Variants in NXN observed in about 807,000 individuals in gnomAD.
NXN encodes nucleoredoxin 1.
NXN carries 16 observed loss-of-function variants against 48.6 expected under a neutral mutation model. The observed-to-expected ratio is 0.33, with a 90% CI of 0.22 to 0.50. NXN has a LOEUF of 0.50. Ranked by LOEUF, NXN falls within the 20% of genes least tolerant of loss-of-function variation. NXN has a pLI of 0.98. For missense variants in NXN, 492 were observed against 605.5 expected (o/e 0.81, Z 1.97); for synonymous variants, 281 against 269.6 (o/e 1.04, Z -0.41).
intron 1 of NXN, among the ~76,000 whole-genome samples, chr17:883,132 C>A (rs541807067): frequency 1.3e-5 from 2 of 152,150 alleles, no homozygotes; most frequent in African/African-American, 2.4e-5. Context: ...TACACCTGGC[C>A]AACTTCCTAT....
At chr17:906,403 G>A (rs4968127) in intron 1 of NXN, among the ~76,000 whole-genome samples, 89,488 of 151,888 alleles carry the variant, frequency 0.59, 26,964 homozygotes, top group Admixed American at 0.71. Context: ...CCACCTGCCC[G>A]TTTCCTACTT....
chr17:951,174 TTAAAAAAAAA>T lies in NXN; in HGVS notation c.360+28135_360+28144del, dbSNP rs369464932. On this transcript the variant is annotated intron_variant, in intron 1 of 7. Transcript: ENST00000336868. The stretch of plus-strand genomic sequence containing the variant: ...CAACATGGTGAAACCCTGTCTCTAC[TTAAAAAAAAA>T]AAAAAAAAAAAAAAAAAAAGCTGGG... Among the ~76,000 whole-genome samples the T allele has an allele frequency of 4.0e-4, 27 of 67,530 alleles. 1 individual carries two copies. Among genetic ancestry groups the T allele is most frequent in the Admixed American group, 1.7e-3 (9 of 5,346 alleles). The allele number at this position is 67,530 out of a possible 152,430, so 44.3% of individuals were successfully genotyped here.
Position 978,774 on chromosome 17 carries a change from C to T in NXN, c.360+545G>A, listed in dbSNP as rs1324442365. 6.6e-6 allele frequency: 1 copy of T among 152,334 alleles called. No individual in the cohort carries two copies. Among genetic ancestry groups the T allele is most frequent in the Non-Finnish European group, 1.5e-5 (1 of 68,154 alleles). The allele number at this position is 152,334 out of a possible 1,614,324, so 9.4% of individuals were successfully genotyped here. A position where few individuals can be genotyped will look rare whatever the true frequency, so the allele number is the denominator to read the frequency against. ...CCCCGGGGAAGGGGCTCCGGGAAGG[C>T]AGGTTTCTCCCGGAAAGAAAGGAAA... is the stretch of plus-strand genomic sequence containing the variant. On this transcript the variant is annotated intron_variant, in intron 1 of 7. Transcript: ENST00000336868. This position sits in a 1 kb window ranked among gnomAD's most constrained non-coding sequence, Gnocchi z 4.1.
chr17:979,238 C>G, intron 1 of NXN, 81 bp downstream of exon 1: 1 of 853,972 alleles, frequency 1.2e-6, no homozygotes, highest in Non-Finnish European at 1.4e-6. Context: ...TGGCGGAGGG[C>G]AGGGGTAACG....
At chr17:846,030 C>T (rs182587074) in intron 1 of NXN, among the ~76,000 whole-genome samples, 1 of 151,782 alleles carries the variant, frequency 6.6e-6, no homozygotes, top group African/African-American at 2.4e-5. Flanking sequence ...TGCAGTGAGC[C>T]GAGATCACAC....
rs1005739608 is a variant in NXN, at chr17:920,101, T to C, written c.360+59218A>G. 2.6e-5 allele frequency among the ~76,000 whole-genome samples: 4 copies of C among 152,220 alleles called. No homozygotes were observed. The highest frequency in any genetic ancestry group is 7.2e-5 in the African/African-American group (3 of 41,542). Reference sequence around the variant, plus strand: ...TTTTGGTGGAGACAAGGTTTCGCCATGTTGCCCAGGCTGGTCTTGAACTCC... The same window carrying C: ...TTTTGGTGGAGACAAGGTTTCGCCACGTTGCCCAGGCTGGTCTTGAACTCC... On this transcript the variant is annotated intron_variant, in intron 1 of 7. Transcript: ENST00000336868. The surrounding 1 kb of genome is among the most constrained non-coding windows in gnomAD (Gnocchi z 4.6).
rs191107620 is a variant in NXN, at chr17:894,829, C to A, written c.361-68751G>T. On this transcript the variant is annotated intron_variant, in intron 1 of 7. Transcript: ENST00000336868. ...TAAAATACCCCCTTCCATCTGAAAA[C>A]ATAATTGAGATGTGACTGCCTCAAC... 5.6e-3 allele frequency among the ~76,000 whole-genome samples: 851 copies of A among 152,162 alleles called. 9 individuals carry two copies. Among genetic ancestry groups the A allele is most frequent in the African/African-American group, 0.02 (811 of 41,516 alleles).
chr17:868,074 G>A (rs1284945207), intron 1 of NXN, among the ~76,000 whole-genome samples: 2 of 152,090 alleles, frequency 1.3e-5, no homozygotes, highest in Middle Eastern at 3.2e-3. Flanking sequence ...GAGCCTGTAC[G>A]GCGTCCCATG....
At chr17:951,388 CT>C (rs1193109041) in intron 1 of NXN, among the ~76,000 whole-genome samples, 2 of 151,038 alleles carry the variant, frequency 1.3e-5, no homozygotes, top group Non-Finnish European at 3.0e-5. Context: ...CTCTTTAGAA[CT>C]TTCTAACACA....
intron 1 of NXN, among the ~76,000 whole-genome samples, chr17:904,961 C>T (rs982137302): frequency 6.6e-6 from 1 of 152,080 alleles, no homozygotes; most frequent in Non-Finnish European, 1.5e-5. Flanking sequence ...GTCTGTTTCC[C>T]GTCTTCTGCT....
intron 5 of NXN, among the ~76,000 whole-genome samples, chr17:808,966 C>T (rs377647600): frequency 5.9e-5 from 9 of 152,220 alleles, no homozygotes; most frequent in East Asian, 1.9e-4. Flanking sequence ...TGTGAGGCAC[C>T]GCACCCAGCC....
At position 830,403 on chromosome 17, in the gene NXN, C is replaced by T. The variant is rs1052082320; in HGVS notation, c.361-4325G>A. On this transcript the variant is annotated intron_variant, in intron 1 of 7. Coordinates refer to ENST00000336868, the MANE Select transcript of NXN (RefSeq NM_022463.5). The surrounding 1 kb of genome is among the most constrained non-coding windows in gnomAD (Gnocchi z 4.2). ...AACAGGGCGGGTAAGATCACGGCTG[C>T]AACTGGGAAGCTGGGATGGCAGCGT... 1.3e-5 allele frequency among the ~76,000 whole-genome samples: 2 copies of T among 151,932 alleles called. No homozygotes were observed. Among genetic ancestry groups the T allele is most frequent in the Admixed American group, 1.3e-4 (2 of 15,244 alleles).
Position 979,472 on chromosome 17 carries a change from C to A in NXN, c.207G>T (p.Gly69=), listed in dbSNP as rs935282324. The change falls in exon 1 of 8, where the codon GGG becomes GGT. Residue 69 remains glycine, a synonymous_variant. Transcript: ENST00000336868. The part of the protein sequence containing the change: ...RLRGDAAAGP[G]PGAGAGAAAE... ...CCGCCGCCCCGGCCCCCGCTCCCGGCCCCGGCCCGGCCGCCGCGTCCCCCC... is the reference window on the plus strand; with the variant it reads ...CCGCCGCCCCGGCCCCCGCTCCCGGACCCGGCCCGGCCGCCGCGTCCCCCC... The A allele has an allele frequency of 1.7e-6, 2 of 1,194,412 alleles. No homozygotes were observed. The allele number at this position is 1,194,412 out of a possible 1,614,324, so 74.0% of individuals were successfully genotyped here.
intron 5 of NXN, among the ~76,000 whole-genome samples, chr17:812,231 T>G (rs1387536803): frequency 1.3e-5 from 2 of 152,026 alleles, no homozygotes; most frequent in Non-Finnish European, 2.9e-5. Flanking sequence ...GTGGCCTGGG[T>G]TACCCATTTT....
chr17:833,277 G>A (rs1050377255), intron 1 of NXN, among the ~76,000 whole-genome samples: 7 of 152,054 alleles, frequency 4.6e-5, no homozygotes, highest in East Asian at 3.9e-4. Flanking sequence ...GCATCTGTGG[G>A]CGCCTCAGGC....
chr17:890,356 C>T (rs996147724), intron 1 of NXN, among the ~76,000 whole-genome samples: 2 of 152,034 alleles, frequency 1.3e-5, no homozygotes, highest in Admixed American at 1.3e-4. Flanking sequence ...CCCAAAGATG[C>T]ACCCACAAAG....
chr17:895,364 A>C (rs535482910), intron 1 of NXN, among the ~76,000 whole-genome samples: 22 of 152,092 alleles, frequency 1.4e-4, no homozygotes, highest in Non-Finnish European at 2.9e-4. Context: ...AGAGGAAGAA[A>C]AGAGGGTACC....
intron 1 of NXN, among the ~76,000 whole-genome samples, chr17:957,969 C>T (rs746660378): frequency 5.3e-5 from 8 of 152,106 alleles, no homozygotes; most frequent in Middle Eastern, 6.8e-3. Context: ...CCTCACAGAA[C>T]GTGAAAATGT....
intron 1 of NXN, among the ~76,000 whole-genome samples, chr17:971,676 C>T (rs2069381546): frequency 6.6e-6 from 1 of 151,796 alleles, no homozygotes; most frequent in African/African-American, 2.4e-5. Context: ...CGCCACTGCA[C>T]TCCAGCCTGG....
Sources: allele counts gnomAD v4.1 joint callset (sites outside exome capture counted in the v4.1 genomes callset), GRCh38; gene constraint gnomAD v4.1.1; non-coding constraint Gnocchi (gnomAD v3.1); transcripts MANE v1.5; gene names NCBI Gene and HGNC (gene_info 2026-07-23, HGNC 2026-07-21).